Variants in WDR7 observed in about 807,000 individuals in gnomAD.
WDR7 encodes the protein WD repeat-containing protein 7.
A neutral mutation model predicts 169.4 loss-of-function variants in WDR7; 46 were observed. The ratio of observed to expected loss-of-function variants is 0.27; its 90% confidence interval spans 0.21 to 0.35. The LOEUF is 0.35. Ranked by LOEUF, WDR7 falls within the 10% of genes least tolerant of loss-of-function variation. WDR7 has a pLI of 1.00. For missense variants in WDR7, 1,534 were observed against 1,859.3 expected (o/e 0.83, Z 3.22); for synonymous variants, 612 against 666.8 (o/e 0.92, Z 1.27).
intron 22 of WDR7, among the ~76,000 whole-genome samples, chr18:56,931,806 G>A (rs2145674687): frequency 6.6e-6 from 1 of 152,116 alleles, no homozygotes; most frequent in South Asian, 2.1e-4. Flanking sequence ...GAAAGGGCTA[G>A]AGGAGAAACC....
downstream of WDR7, chr18:57,032,801 T>TTTTATATATATATA (rs1555649878): frequency 9.4e-6 from 1 of 106,192 alleles, no homozygotes; most frequent in Admixed American, 9.9e-5. Context: ...TATAATTATT[T>TTTTATATATATATA]TATATATATA....
chr18:57,023,823 T>A (rs2048322588), intron 27 of WDR7, among the ~76,000 whole-genome samples: 3 of 152,216 alleles, frequency 2.0e-5, no homozygotes, highest in Admixed American at 2.0e-4. Context: ...ATATCCTTTT[T>A]CAGAAATGCT....
intron 26 of WDR7, among the ~76,000 whole-genome samples, chr18:57,013,337 G>A (rs536813928): frequency 2.0e-5 from 3 of 152,320 alleles, no homozygotes; most frequent in East Asian, 3.9e-4. Context: ...CCATGGTCCA[G>A]GGGTTGAGGA....
intron 12 of WDR7, among the ~76,000 whole-genome samples, chr18:56,700,252 C>CTTTTCTTT: frequency 1.5e-5 from 1 of 67,246 alleles, no homozygotes; most frequent in Non-Finnish European, 2.6e-5. Context: ...TTTTCATTTT[C>CTTTTCTTT]TTTTTTTTTT....
chr18:56,778,962 A>G (rs2044278926), intron 17 of WDR7, among the ~76,000 whole-genome samples: 1 of 152,210 alleles, frequency 6.6e-6, no homozygotes. Context: ...AATGGAGGAC[A>G]TCTCTTTTGG....
chr18:56,810,173 T>C (rs941761701), intron 19 of WDR7, among the ~76,000 whole-genome samples: 1 of 152,204 alleles, frequency 6.6e-6, no homozygotes, highest in Non-Finnish European at 1.5e-5. Context: ...AATAGTCTTC[T>C]ACCATAACTA....
chr18:56,656,580 A>T (rs2041695), intron 1 of WDR7, among the ~76,000 whole-genome samples: 9 of 52,676 alleles, frequency 1.7e-4, no homozygotes, highest in Non-Finnish European at 4.0e-4. Context: ...GCGCCCGGCC[A>T]CTATTTTTTT....
chr18:56,666,893 A>ATT (rs5825197), intron 1 of WDR7, among the ~76,000 whole-genome samples: 4,735 of 143,684 alleles, frequency 0.033, 117 homozygotes, highest in East Asian at 0.1. Flanking sequence ...AAACCAGGCT[A>ATT]TTTTTTTTTT....
chr18:56,772,173 A>G (rs2044175087), intron 16 of WDR7, among the ~76,000 whole-genome samples: 1 of 151,934 alleles, frequency 6.6e-6, no homozygotes, highest in Non-Finnish European at 1.5e-5. Flanking sequence ...AATTTCAGAC[A>G]CTCATAGTCT....
chr18:57,009,835 C>T (rs1391339160), intron 26 of WDR7: 1 of 985,000 alleles, frequency 1.0e-6, no homozygotes, highest in African/African-American at 1.7e-5. Flanking sequence ...TTTGTGTCAC[C>T]AGGCACTATA....
intron 21 of WDR7, among the ~76,000 whole-genome samples, 181 bp downstream of exon 21, chr18:56,880,346 A>G (rs1308207586): frequency 6.6e-6 from 1 of 152,222 alleles, no homozygotes; most frequent in African/African-American, 2.4e-5. Context: ...CTCCTTTTTA[A>G]AAGTTAAAAC....
chr18:56,985,828 G>C (rs1453497355), intron 26 of WDR7, among the ~76,000 whole-genome samples: 1 of 151,964 alleles, frequency 6.6e-6, no homozygotes, highest in East Asian at 1.9e-4. Flanking sequence ...TAAGAAACAG[G>C]CTTTTTCTGT....
chr18:56,965,271 C>G (rs9954313), intron 26 of WDR7, among the ~76,000 whole-genome samples: 25,860 of 151,868 alleles, frequency 0.17, 4,275 homozygotes, highest in African/African-American at 0.44. Context: ...CACACTGAAA[C>G]GCAAGAAAGG....
rs146691662 is a variant in WDR7, at chr18:56,858,537, A to G, written c.3305-21407A>G. Among the ~76,000 whole-genome samples the G allele has an allele frequency of 1.1e-3, 165 of 152,104 alleles. 2 individuals carry two copies. In the East Asian group the frequency reaches 0.03, roughly 28 times the overall value. The stretch of plus-strand genomic sequence containing the variant: ...CTCGCTCTGTTGCCCAGGCTGGTCT[A>G]GAACTCTTGGCCTCAAGCGATCCTC... On this transcript the variant is annotated intron_variant, in intron 20 of 27. Transcript: ENST00000254442.
chr18:57,002,574 G>A (rs2047999395), intron 26 of WDR7, among the ~76,000 whole-genome samples: 1 of 152,090 alleles, frequency 6.6e-6, no homozygotes, highest in Non-Finnish European at 1.5e-5. Context: ...TATTCTATAA[G>A]CGAAAAGAGA....
At chr18:56,799,437 A>G (rs1229994207) in intron 19 of WDR7, among the ~76,000 whole-genome samples, 1 of 150,794 alleles carries the variant, frequency 6.6e-6, no homozygotes, top group African/African-American at 2.5e-5. Flanking sequence ...TTTATTCATC[A>G]GAACTATGAC....
intron 16 of WDR7, among the ~76,000 whole-genome samples, chr18:56,773,344 T>TG (rs566932061): frequency 8.1e-5 from 7 of 86,808 alleles, no homozygotes; most frequent in African/African-American, 5.6e-4. Context: ...TAAAGAGAAG[T>TG]TTTTTTTTTT....
chr18:56,696,523 G>A lies in WDR7; in HGVS notation c.1578+61G>A. The A allele has an allele frequency of 2.3e-6, 3 of 1,322,990 alleles. No homozygotes were observed. In the South Asian group the frequency reaches 4.3e-5, roughly 19 times the overall value. 82.0% of individuals were successfully genotyped at this position (1,322,990 alleles called of 1,614,324 possible). A position where few individuals can be genotyped will look rare whatever the true frequency, so the allele number is the denominator to read the frequency against. On this transcript the variant is annotated intron_variant, in intron 12 of 27. Coordinates refer to ENST00000254442, the MANE Select transcript of WDR7 (RefSeq NM_015285.3). The stretch of plus-strand genomic sequence containing the variant: ...GTAGAGCCAAGTTATATTACTATCA[G>A]GAATGTAAATGGAATCTAGACTAAC...
chr18:56,920,567 A>G (rs1481659968), intron 21 of WDR7, among the ~76,000 whole-genome samples: 1 of 152,220 alleles, frequency 6.6e-6, no homozygotes, highest in Non-Finnish European at 1.5e-5. Context: ...CAGGCCAGTT[A>G]GCTGAACTTT....
Sources: gnomAD v4.1 joint callset for allele counts (sites outside exome capture counted in the v4.1 genomes callset) on GRCh38, gnomAD v4.1.1 for gene constraint, MANE v1.5 for transcripts, NCBI Gene and HGNC (gene_info 2026-07-23, HGNC 2026-07-21) for gene names.